Variants in MACROD1 observed in about 807,000 individuals in gnomAD.
The protein encoded by MACROD1 is ADP-ribose glycohydrolase MACROD1.
Under a neutral mutation model 41.4 loss-of-function variants are expected in MACROD1, and 31 were observed. The ratio of observed to expected loss-of-function variants is 0.75; its 90% confidence interval spans 0.56 to 1.01. The LOEUF (loss-of-function observed/expected upper bound fraction) is 1.01. Ranked by LOEUF, MACROD1 falls within the 50% of genes least tolerant of loss-of-function variation. The pLI is 0.00. For missense variants in MACROD1, 473 were observed against 460.0 expected, an observed-to-expected ratio of 1.03 and a Z score of -0.26; for synonymous variants, 252 against 203.4, an observed-to-expected ratio of 1.24 and a Z score of -2.03.
At chr11:64,156,208 G>T (rs1945665706) in intron 1 of MACROD1, among the ~76,000 whole-genome samples, 2 of 152,164 alleles carry the variant, frequency 1.3e-5, no homozygotes, top group South Asian at 4.1e-4. Context: ...TTCAGCCTGG[G>T]AGGTCAAGGC....
At chr11:64,093,395 G>A (rs1944524431) in intron 3 of MACROD1, among the ~76,000 whole-genome samples, 1 of 152,234 alleles carries the variant, frequency 6.6e-6, no homozygotes, top group Admixed American at 6.5e-5. Flanking sequence ...CGGTGGAGAG[G>A]GCAAGGGCTG....
chr11:64,007,264 G>T (rs899173483), intron 4 of MACROD1, among the ~76,000 whole-genome samples: 4 of 152,228 alleles, frequency 2.6e-5, no homozygotes, highest in Non-Finnish European at 4.4e-5. Flanking sequence ...CAGTTCTAGG[G>T]ACGGGACACG....
intron 3 of MACROD1, among the ~76,000 whole-genome samples, chr11:64,043,540 T>A (rs73498137): frequency 0.02 from 3,086 of 151,772 alleles, 91 homozygotes; most frequent in African/African-American, 0.068. Flanking sequence ...GCAGCAAGGG[T>A]TAGGAGGCAG....
At chr11:64,142,420 C>T (rs1945426255) in intron 3 of MACROD1, among the ~76,000 whole-genome samples, 1 of 152,158 alleles carries the variant, frequency 6.6e-6, no homozygotes, top group Admixed American at 6.5e-5. Context: ...GCTACTGGGT[C>T]CACAGTCTAC....
intron 3 of MACROD1, among the ~76,000 whole-genome samples, chr11:64,138,976 A>G (rs1476470693): frequency 6.6e-6 from 1 of 152,172 alleles, no homozygotes; most frequent in Admixed American, 6.5e-5. Context: ...TATCTTGGCC[A>G]GGCTGGTCTT....
intron 3 of MACROD1, among the ~76,000 whole-genome samples, chr11:64,093,010 C>T (rs550157659): frequency 7.1e-4 from 108 of 152,266 alleles, no homozygotes; most frequent in African/African-American, 1.9e-3. Context: ...CTGGCCACAC[C>T]GGAGTGGCTG....
intron 3 of MACROD1, among the ~76,000 whole-genome samples, chr11:64,061,262 G>T (rs1167541146): frequency 6.6e-6 from 1 of 152,212 alleles, no homozygotes; most frequent in African/African-American, 2.4e-5. Flanking sequence ...TGTAATTGCT[G>T]GCTGTCAGGG....
In MACROD1 at chr11:64,050,113, C is replaced by T. The variant is rs1943664569; in HGVS notation, c.518-34832G>A. Among the ~76,000 whole-genome samples, 4 of 152,292 alleles carry T rather than the reference C, an allele frequency of 2.6e-5. No homozygotes were observed. The South Asian group carries it at 8.3e-4, about 32-fold the overall frequency. On this transcript the variant is annotated intron_variant, in intron 3 of 10. Coordinates refer to ENST00000255681, the MANE Select transcript of MACROD1 (RefSeq NM_014067.4). ...AGGCTGGGAAACCAGGCCCTCGGTC[C>T]TTATGCCCCACAGGGAAGCCGGGTG...
chr11:64,149,742 C>A (rs558896740), intron 3 of MACROD1, among the ~76,000 whole-genome samples: 1 of 152,388 alleles, frequency 6.6e-6, no homozygotes, highest in Admixed American at 6.5e-5. Context: ...GGAGTACCCA[C>A]TGGCCTGCCT....
At chr11:64,160,379 C>T (rs1321247354) in intron 1 of MACROD1, among the ~76,000 whole-genome samples, 3 of 152,154 alleles carry the variant, frequency 2.0e-5, no homozygotes, top group Non-Finnish European at 4.4e-5. Flanking sequence ...CTGACCTATA[C>T]GTCAGTCTCT....
At position 64,067,535 on chromosome 11, in the gene MACROD1, C is replaced by T. The variant is rs1332040607; in HGVS notation, c.518-52254G>A. 6.6e-6 allele frequency among the ~76,000 whole-genome samples: 1 copy of T among 151,898 alleles called. No homozygotes were observed. The highest frequency in any genetic ancestry group is 2.4e-5 in the African/African-American group (1 of 41,374). On this transcript the variant is annotated intron_variant, in intron 3 of 10. Coordinates refer to ENST00000255681, the MANE Select transcript of MACROD1 (RefSeq NM_014067.4). The surrounding 1 kb of genome is among the most constrained non-coding windows in gnomAD (Gnocchi z 4.6). ...GCACCTCCCCAACTCCCCAGCCCCT[C>T]CCCCTGGGGCTCAGGGACCCAAAGC... is the stretch of plus-strand genomic sequence containing the variant.
intron 3 of MACROD1, among the ~76,000 whole-genome samples, chr11:64,057,007 C>T (rs543586202): frequency 2.6e-5 from 4 of 152,320 alleles, no homozygotes; most frequent in Admixed American, 1.3e-4. Flanking sequence ...CTTCTGCGCC[C>T]GTGTCACCCC....
chr11:64,069,439 G>A (rs1403211036), intron 3 of MACROD1, among the ~76,000 whole-genome samples: 2 of 152,222 alleles, frequency 1.3e-5, no homozygotes, highest in Non-Finnish European at 2.9e-5. Context: ...GGGTCTTGGA[G>A]CCCACTCCCC....
chr11:64,035,451 A>G (rs536631646), intron 3 of MACROD1, among the ~76,000 whole-genome samples: 39 of 152,104 alleles, frequency 2.6e-4, no homozygotes, highest in African/African-American at 8.4e-4. Context: ...GTGGGTGCGG[A>G]GAGGAGGGTG....
At chr11:64,162,109 A>G (rs1945763905) in intron 1 of MACROD1, among the ~76,000 whole-genome samples, 1 of 151,700 alleles carries the variant, frequency 6.6e-6, no homozygotes. Context: ...TGGGAGGCCG[A>G]GGTGGGTAGA....
rs570747182 is a variant in MACROD1, at chr11:64,112,145, C to T, written c.517+39094G>A. Among the ~76,000 whole-genome samples the T allele has an allele frequency of 5.3e-5, 8 of 152,306 alleles. No homozygotes were observed. In the East Asian group the frequency reaches 9.6e-4, roughly 18 times the overall value. Reference sequence around the variant, plus strand: ...TGAAATCTTTAGTGAGCATCTGCCACGTGGGAAACACTATGAATAAGATGC... The same window carrying T: ...TGAAATCTTTAGTGAGCATCTGCCATGTGGGAAACACTATGAATAAGATGC... On this transcript the variant is annotated intron_variant, in intron 3 of 10. Transcript: ENST00000255681.
chr11:64,153,011 G>T (rs987995707), intron 1 of MACROD1, among the ~76,000 whole-genome samples: 1 of 152,316 alleles, frequency 6.6e-6, no homozygotes, highest in Admixed American at 6.5e-5. Flanking sequence ...GAGGAAACCG[G>T]GGCTCAGGGA....
chr11:64,055,918 C>T lies in MACROD1; in HGVS notation c.518-40637G>A, dbSNP rs541145017. Among the ~76,000 whole-genome samples, 54 of 152,320 alleles carry T rather than the reference C, an allele frequency of 3.5e-4. 1 individual carries two copies. Among genetic ancestry groups the T allele is most frequent in the African/African-American group, 1.2e-3 (50 of 41,570 alleles). ...CAGGCAGGGCACAGCAGGTGAGGGACAGATGCCATGCTGCCTGCAGCCGAC... is the reference window on the plus strand; with the variant it reads ...CAGGCAGGGCACAGCAGGTGAGGGATAGATGCCATGCTGCCTGCAGCCGAC... On this transcript the variant is annotated intron_variant, in intron 3 of 10. Transcript: ENST00000255681.
intron 3 of MACROD1, among the ~76,000 whole-genome samples, chr11:64,048,100 C>G (rs376810583): frequency 6.6e-6 from 1 of 152,140 alleles, no homozygotes; most frequent in Non-Finnish European, 1.5e-5. Flanking sequence ...CCCTGGCCGG[C>G]GGGAGGCAGT....
Sources: gnomAD v4.1 joint callset for allele counts (sites outside exome capture counted in the v4.1 genomes callset) on GRCh38, gnomAD v4.1.1 for gene constraint, Gnocchi (gnomAD v3.1) non-coding constraint, MANE v1.5 for transcripts, NCBI Gene and HGNC (gene_info 2026-07-23, HGNC 2026-07-21) for gene names.